CEP57L1: variants seen among roughly 807,000 people sequenced by gnomAD.
The protein encoded by CEP57L1 is centrosomal protein 57 like 1.
In CEP57L1, 37 loss-of-function variants were observed where a neutral mutation model predicts 61.0. The ratio of observed to expected loss-of-function variants is 0.61; its 90% CI spans 0.47 to 0.80. The LOEUF is 0.80. CEP57L1 is among the 30% of genes least tolerant of loss of function. The pLI is 0.00. For missense variants in CEP57L1, 422 were observed against 524.7 expected, an observed-to-expected ratio of 0.80 and a Z score of 1.91; for synonymous variants, 137 against 162.3, an observed-to-expected ratio of 0.84 and a Z score of 1.19.
At chr6:109,136,697 GTATTTT>G (rs573829265) in intron 1 of CEP57L1, among the ~76,000 whole-genome samples, 11,048 of 135,164 alleles carry the variant, frequency 0.082, 536 homozygotes, top group Middle Eastern at 0.17. Context: ...TCTGAAACTT[GTATTTT>G]TATTTTATTT....
chr6:109,122,306 CA>C (rs1773066581), intron 1 of CEP57L1, among the ~76,000 whole-genome samples: 1 of 152,138 alleles, frequency 6.6e-6, no homozygotes. Context: ...ATCTTGTGTA[CA>C]GATGGAGACT....
chr6:109,137,298 A>G (rs1345343557), intron 1 of CEP57L1, among the ~76,000 whole-genome samples: 3 of 151,754 alleles, frequency 2.0e-5, no homozygotes, highest in Non-Finnish European at 4.4e-5. Flanking sequence ...CTTTCAAAAC[A>G]TAAGTTTTGT....
intron 3 of CEP57L1, among the ~76,000 whole-genome samples, chr6:109,149,734 A>T (rs1258077286): frequency 6.6e-6 from 1 of 152,114 alleles, no homozygotes; most frequent in Non-Finnish European, 1.5e-5. Flanking sequence ...CACGATATTG[A>T]TTCTTCCTAC....
At chr6:109,132,312 A>G (rs1182784688) in intron 1 of CEP57L1, among the ~76,000 whole-genome samples, 2 of 152,220 alleles carry the variant, frequency 1.3e-5, no homozygotes, top group Non-Finnish European at 2.9e-5. Flanking sequence ...CCTGGGCAAT[A>G]TAGTGAGACC....
At chr6:109,152,930 G>A (rs1772796935) in intron 4 of CEP57L1, among the ~76,000 whole-genome samples, 1 of 151,804 alleles carries the variant, frequency 6.6e-6, no homozygotes, top group South Asian at 2.1e-4. Context: ...GCAACACGGT[G>A]AAACCACGTC....
chr6:109,134,136 T>G (rs1774528816), intron 1 of CEP57L1, among the ~76,000 whole-genome samples: 1 of 152,184 alleles, frequency 6.6e-6, no homozygotes. Flanking sequence ...CCAATATCCC[T>G]GATGAACATC....
chr6:109,115,754 T>C lies in CEP57L1; in HGVS notation c.-4+20179T>C, dbSNP rs1772195184. 2.0e-5 allele frequency among the ~76,000 whole-genome samples: 3 copies of C among 152,312 alleles called. No homozygotes were observed. The South Asian group carries it at 6.2e-4, about 32-fold the overall frequency. ...CTATTCATTTTTTATACATATTCAATTAGCCAAGTCACCCAATCTTTTCAT... is the reference window on the plus strand; with the variant it reads ...CTATTCATTTTTTATACATATTCAACTAGCCAAGTCACCCAATCTTTTCAT... On this transcript the variant is annotated intron_variant, in intron 1 of 10. Coordinates refer to ENST00000517392, the MANE Select transcript of CEP57L1 (RefSeq NM_001271852.3).
chr6:109,173,970 T>G lies in CEP57L1; in HGVS notation c.*11000T>G, dbSNP rs538452621. On this transcript the variant is annotated 3_prime_UTR_variant, in exon 11 of 11. Coordinates refer to ENST00000517392, the MANE Select transcript of CEP57L1 (RefSeq NM_001271852.3). ...AAAAAATTAGCTGGGTGTGGTGGCA[T>G]GCACCTGTAGTCTCAGCTACTCATC... is the stretch of plus-strand genomic sequence containing the variant. Among the ~76,000 whole-genome samples, 2 of 151,476 alleles carry G rather than the reference T, an allele frequency of 1.3e-5. No homozygotes were observed. Among genetic ancestry groups the G allele is most frequent in the East Asian group, 3.9e-4 (2 of 5,090 alleles).
chr6:109,159,140 ACTC>A (rs1773494433), intron 8 of CEP57L1, 38 bp downstream of exon 8: 1 of 1,613,518 alleles, frequency 6.2e-7, no homozygotes, highest in Non-Finnish European at 8.5e-7. Flanking sequence ...GTTCAAAAAA[ACTC>A]CTGTTTTGTT....
At chr6:109,129,353 C>A in intron 1 of CEP57L1, 1 of 1,212,264 alleles carries the variant, frequency 8.2e-7, no homozygotes, top group Non-Finnish European at 1.1e-6. Flanking sequence ...AGACTGCCGA[C>A]ATTCTGGGAA....
At chr6:109,108,069 T>C (rs1001477527) in intron 1 of CEP57L1, among the ~76,000 whole-genome samples, 5 of 152,194 alleles carry the variant, frequency 3.3e-5, no homozygotes, top group African/African-American at 9.6e-5. Context: ...TATAAAGTTA[T>C]GGAGAAGTTA....
chr6:109,154,452 A>G (rs1193092606), intron 5 of CEP57L1, among the ~76,000 whole-genome samples: 23 of 151,558 alleles, frequency 1.5e-4, no homozygotes, highest in Admixed American at 1.5e-3. Flanking sequence ...ATATAAGGTT[A>G]TATGTATATA....
chr6:109,160,884 A>T, intron 10 of CEP57L1, 168 bp downstream of exon 10: 1 of 529,352 alleles, frequency 1.9e-6, no homozygotes, highest in Non-Finnish European at 3.1e-6. Flanking sequence ...TCCCATTGGA[A>T]TAACATGGAC....
chr6:109,123,001 T>C (rs1773152237), intron 1 of CEP57L1, among the ~76,000 whole-genome samples: 2 of 152,284 alleles, frequency 1.3e-5, no homozygotes, highest in East Asian at 1.9e-4. Context: ...CAAAATGATA[T>C]ATTTATGGGC....
chr6:109,119,073 A>G (rs1772642104), intron 1 of CEP57L1, among the ~76,000 whole-genome samples: 1 of 152,224 alleles, frequency 6.6e-6, no homozygotes, highest in Non-Finnish European at 1.5e-5. Context: ...ACTGTGTCTT[A>G]CATAATGGGC....
chr6:109,135,949 A>T (rs1770615807), intron 1 of CEP57L1, among the ~76,000 whole-genome samples: 1 of 152,080 alleles, frequency 6.6e-6, no homozygotes, highest in Non-Finnish European at 1.5e-5. Context: ...AAATAGAAAC[A>T]CTTTTACACT....
At chr6:109,098,142 C>G (rs776454593) in intron 1 of CEP57L1, among the ~76,000 whole-genome samples, 10 of 152,124 alleles carry the variant, frequency 6.6e-5, no homozygotes, top group Non-Finnish European at 8.8e-5. Flanking sequence ...CTCTCTTTCT[C>G]TCTCTCTCTC....
At chr6:109,162,653 A>G (rs1484329803) in intron 10 of CEP57L1, 96 bp from the exon 11 acceptor site, 6 of 788,428 alleles carry the variant, frequency 7.6e-6, no homozygotes, top group Non-Finnish European at 1.0e-5. Flanking sequence ...TTCAATTTTA[A>G]CTTTTTAACG....
chr6:109,167,525 T>TA lies in CEP57L1; in HGVS notation c.*4564dup, dbSNP rs1029772224. On this transcript the variant is annotated 3_prime_UTR_variant, in exon 11 of 11. Coordinates refer to ENST00000517392, the MANE Select transcript of CEP57L1 (RefSeq NM_001271852.3). ...AGTGAAACCCTGTCTCTACTAAAAATAAAAAAAAATTAGCTGGGTGTGGTA... is the reference window on the plus strand; with the variant it reads ...AGTGAAACCCTGTCTCTACTAAAAATAAAAAAAAAATTAGCTGGGTGTGGTA... Among the ~76,000 whole-genome samples the TA allele has an allele frequency of 2.9e-4, 44 of 150,868 alleles. No individual in the cohort carries two copies. Among genetic ancestry groups the TA allele is most frequent in the African/African-American group, 9.0e-4 (37 of 41,134 alleles).
Sources: allele counts gnomAD v4.1 joint callset (sites outside exome capture counted in the v4.1 genomes callset), GRCh38; gene constraint gnomAD v4.1.1; transcripts MANE v1.5; gene names NCBI Gene and HGNC (gene_info 2026-07-23, HGNC 2026-07-21).